AKAP12: variants seen among roughly 807,000 people sequenced by gnomAD.
AKAP12 encodes the protein A-kinase anchoring protein 12.
AKAP12 carries 32 observed loss-of-function variants against 79.9 expected under a neutral mutation model. The ratio of observed to expected loss-of-function variants is 0.40; its 90% CI spans 0.30 to 0.54. The LOEUF (loss-of-function observed/expected upper bound fraction) is 0.54. AKAP12 is among the 20% of genes least tolerant of loss of function. AKAP12 has a pLI of 0.48. For synonymous variants in AKAP12, 808 were observed against 857.0 expected (o/e 0.94, Z 1.00); for missense variants, 2,074 against 2,177.0 (o/e 0.95, Z 0.94).
intron 3 of AKAP12, among the ~76,000 whole-genome samples, chr6:151,337,860 T>C (rs222574): frequency 0.52 from 78,446 of 151,836 alleles, 24,039 homozygotes; most frequent in African/African-American, 0.86. Context: ...CATGGCAAAA[T>C]CCCTGTGTCT....
At position 151,304,460 on chromosome 6, in the gene AKAP12, G is replaced by C. The variant is rs1282724323; in HGVS notation, c.163-1287G>C. 2.9e-5 allele frequency among the ~76,000 whole-genome samples: 3 copies of C among 104,104 alleles called. No homozygotes were observed. The Admixed American group carries it at 4.5e-4, about 16-fold the overall frequency. 68.3% of individuals were successfully genotyped at this position (104,104 alleles called of 152,430 possible). A position where few individuals can be genotyped will look rare whatever the true frequency, so the allele number is the denominator to read the frequency against. ...ACCGAGATCACGCCACTGCACTTCA[G>C]CCTGGGTGAAACAGTGACACTCCAT... On this transcript the variant is annotated intron_variant, in intron 2 of 4. Transcript: ENST00000402676.
intron 3 of AKAP12, among the ~76,000 whole-genome samples, chr6:151,341,073 A>C (rs1777933473): frequency 1.6e-5 from 2 of 121,390 alleles, no homozygotes. Context: ...TTTTTTTTTG[A>C]CACAGTCTTG....
intron 2 of AKAP12, among the ~76,000 whole-genome samples, chr6:151,267,913 G>GTC (rs1303628988): frequency 6.6e-6 from 1 of 152,174 alleles, no homozygotes; most frequent in Non-Finnish European, 1.5e-5. Context: ...ACCCAAACCT[G>GTC]TCTCTCTCGG....
intron 2 of AKAP12, among the ~76,000 whole-genome samples, chr6:151,295,617 G>T (rs552006605): frequency 6.6e-6 from 1 of 152,210 alleles, no homozygotes; most frequent in Non-Finnish European, 1.5e-5. Context: ...CTGGAAATTA[G>T]CATTTTTGCA....
At chr6:151,324,496 C>T (rs1022905817) in intron 3 of AKAP12, 3 of 985,312 alleles carry the variant, frequency 3.0e-6, no homozygotes, top group Admixed American at 6.2e-5. Context: ...TTCTCCTGTT[C>T]CTCGCCCACC....
At chr6:151,341,793 G>A in intron 3 of AKAP12, 1 of 1,287,262 alleles carries the variant, frequency 7.8e-7, no homozygotes, top group Non-Finnish European at 1.0e-6. Flanking sequence ...ATGGGTGTGT[G>A]TGGGTTTTCC....
chr6:151,306,731 A>G (rs888478091), intron 3 of AKAP12, among the ~76,000 whole-genome samples: 4 of 152,180 alleles, frequency 2.6e-5, no homozygotes, highest in African/African-American at 9.7e-5. Flanking sequence ...TGATGCCCCC[A>G]CAGAGCTGCT....
intron 3 of AKAP12, among the ~76,000 whole-genome samples, chr6:151,330,336 T>C (rs1306234903): frequency 6.6e-6 from 1 of 152,194 alleles, no homozygotes; most frequent in East Asian, 1.9e-4. Flanking sequence ...ATGTCACCTA[T>C]ATGCTCCAGT....
At chr6:151,252,730 G>T (rs1187961835) in intron 2 of AKAP12, among the ~76,000 whole-genome samples, 1 of 103,750 alleles carries the variant, frequency 9.6e-6, no homozygotes, top group Admixed American at 8.7e-5. Context: ...CCCTGTCTCT[G>T]GGAAAAAAAA....
At chr6:151,273,024 C>T (rs1266644250) in intron 2 of AKAP12, among the ~76,000 whole-genome samples, 1 of 152,206 alleles carries the variant, frequency 6.6e-6, no homozygotes, top group Non-Finnish European at 1.5e-5. Context: ...TCTTCTGCCT[C>T]AGCCTCCTGA....
chr6:151,296,596 G>T (rs1457931458), intron 2 of AKAP12, among the ~76,000 whole-genome samples: 1 of 152,142 alleles, frequency 6.6e-6, no homozygotes, highest in East Asian at 1.9e-4. Context: ...GGCCAATGTG[G>T]CGAAACCACA....
intron 2 of AKAP12, among the ~76,000 whole-genome samples, chr6:151,304,318 G>A (rs1212472799): frequency 2.6e-5 from 4 of 151,184 alleles, no homozygotes; most frequent in Non-Finnish European, 2.9e-5. Flanking sequence ...GGCAAACCAC[G>A]TCTCTACTAA....
chr6:151,338,288 C>T, intron 3 of AKAP12, among the ~76,000 whole-genome samples: 1 of 152,118 alleles, frequency 6.6e-6, no homozygotes, highest in Non-Finnish European at 1.5e-5. Flanking sequence ...ACCCTAGGGT[C>T]AGAGATTTTG....
At chr6:151,303,171 C>CAAGAGCG (rs1195602018) in intron 2 of AKAP12, among the ~76,000 whole-genome samples, 27 of 151,562 alleles carry the variant, frequency 1.8e-4, no homozygotes, top group Non-Finnish European at 7.4e-5. Flanking sequence ...ACCTGGGGGA[C>CAAGAGCG]AAGAGCGAAA....
chr6:151,347,476 G>C (rs1215779826), intron 3 of AKAP12, among the ~76,000 whole-genome samples: 1 of 152,188 alleles, frequency 6.6e-6, no homozygotes, highest in Non-Finnish European at 1.5e-5. Flanking sequence ...ATCTTACATT[G>C]CAACAGAAGA....
Position 151,349,245 on chromosome 6 carries a change from C to T in AKAP12, c.854C>T (p.Thr285Ile). The T allele has an allele frequency of 6.2e-7, 1 of 1,613,778 alleles. No homozygotes were observed. The highest frequency in any genetic ancestry group is 1.7e-5 in the Admixed American group (1 of 59,908). Residue 285 changes from threonine (T) to isoleucine (I), a missense_variant, in exon 4 of 5, where the codon ACT becomes ATT. Coordinates refer to ENST00000402676, the MANE Select transcript of AKAP12 (RefSeq NM_005100.4). ...KEPSKSAESP[T>I]SPVTSETGST... ...CCTAGCAAGTCTGCAGAATCTCCGA[C>T]TAGTCCCGTGACCAGTGAAACAGGA...
chr6:151,350,970 T>C lies in AKAP12; in HGVS notation c.2579T>C (p.Met860Thr), dbSNP rs531796240. ...TATGATGCTGTAGAAAGGGAGAAAA[T>C]GGAGGCACAGCAAGCCCAAAAAAGC... ...SEYDAVEREK[M>T]EAQQAQKSAE... The change falls in exon 4 of 5, where the codon ATG (methionine) becomes ACG (threonine). Residue 860 changes from methionine to threonine, a missense_variant. Physicochemically the swap from Met to Thr is moderately conservative, Grantham distance 81 (BLOSUM62 -1). Around this residue, in one of 3 missense-constraint regions of AKAP12, gnomAD observed 1,428 missense variants for 1,451.0 expected, o/e 0.98. Coordinates refer to ENST00000402676, the MANE Select transcript of AKAP12 (RefSeq NM_005100.4). The surrounding 1 kb of genome is among the most constrained non-coding windows in gnomAD (Gnocchi z 4.8). 1.2e-6 allele frequency: 2 copies of C among 1,613,492 alleles called. No homozygotes were observed. The highest frequency in any genetic ancestry group is 2.2e-5 in the South Asian group (2 of 91,054).
At chr6:151,260,567 A>C (rs1463843471) in intron 2 of AKAP12, among the ~76,000 whole-genome samples, 1 of 152,252 alleles carries the variant, frequency 6.6e-6, no homozygotes. Context: ...TAATAAGGCC[A>C]GCCCCTTGTT....
At chr6:151,272,708 G>A (rs1776213807) in intron 2 of AKAP12, among the ~76,000 whole-genome samples, 1 of 152,058 alleles carries the variant, frequency 6.6e-6, no homozygotes, top group Non-Finnish European at 1.5e-5. Flanking sequence ...GTTCATTTTT[G>A]TATTTTTAGT....
Sources: allele counts gnomAD v4.1 joint callset (sites outside exome capture counted in the v4.1 genomes callset), GRCh38; gene constraint gnomAD v4.1.1; regional missense constraint gnomAD v4.1.1; non-coding constraint Gnocchi (gnomAD v3.1); transcripts MANE v1.5; gene names NCBI Gene and HGNC (gene_info 2026-07-23, HGNC 2026-07-21).